MCF2L: variants seen among roughly 807,000 people sequenced by gnomAD.
MCF2L encodes the protein MCF.2 cell line derived transforming sequence like.
In MCF2L, 97 loss-of-function variants were observed where a neutral mutation model predicts 153.4. The ratio of observed to expected loss-of-function variants is 0.63; its 90% CI spans 0.54 to 0.75. The LOEUF is 0.75. Among genes scored for constraint, MCF2L ranks in the 30% least tolerant of loss-of-function variants. MCF2L has a pLI of 0.00. For synonymous variants in MCF2L, 659 were observed against 632.2 expected, an observed-to-expected ratio of 1.04 and a Z score of -0.64; for missense variants, 1,347 against 1,495.2, an observed-to-expected ratio of 0.90 and a Z score of 1.64.
intron 1 of MCF2L, among the ~76,000 whole-genome samples, chr13:112,896,452 G>A (rs897535221): frequency 2.0e-5 from 3 of 148,564 alleles, no homozygotes; most frequent in Admixed American, 2.0e-4. Context: ...CACTTCAGAA[G>A]AGAGGCCCCC....
chr13:112,975,960 C>G (rs908493038), intron 1 of MCF2L, among the ~76,000 whole-genome samples: 3 of 152,100 alleles, frequency 2.0e-5, no homozygotes, highest in African/African-American at 7.2e-5. Context: ...ACCCCAGGAG[C>G]CTTTGTCCAG....
At chr13:112,992,154 G>A (rs1168096059) in intron 1 of MCF2L, among the ~76,000 whole-genome samples, 1 of 152,198 alleles carries the variant, frequency 6.6e-6, no homozygotes, top group Non-Finnish European at 1.5e-5. Context: ...CTACGTGTAT[G>A]AGGTGTGCGT....
chr13:113,029,674 G>C (rs1027412440), intron 3 of MCF2L, among the ~76,000 whole-genome samples: 2 of 152,244 alleles, frequency 1.3e-5, no homozygotes, highest in Admixed American at 1.3e-4. Context: ...GCCCTCTGCT[G>C]GAGACGCGGA....
At chr13:113,006,953 C>T (rs1179288010) in intron 1 of MCF2L, among the ~76,000 whole-genome samples, 4 of 152,296 alleles carry the variant, frequency 2.6e-5, no homozygotes, top group Admixed American at 2.0e-4. Context: ...AGCCGGCAGC[C>T]AGCCCGGCCC....
In MCF2L at chr13:112,941,284, G is replaced by A. The variant is rs1006261726; in HGVS notation, c.169+38913G>A. Among the ~76,000 whole-genome samples the A allele has an allele frequency of 6.6e-6, 1 of 150,402 alleles. No homozygotes were observed. Among genetic ancestry groups the A allele is most frequent in the African/African-American group, 2.4e-5 (1 of 40,906 alleles). ...TACAGGTCTGTGTGGTGTGTGTGGT[G>A]GCACTCTGGAAGCCCATAAGCCATA... On this transcript the variant is annotated intron_variant, in intron 2 of 29. Coordinates refer to the MCF2L transcript ENST00000375608. This position sits in a 1 kb window ranked among gnomAD's most constrained non-coding sequence, Gnocchi z 4.9.
At position 113,028,672 on chromosome 13, in the gene MCF2L, G is replaced by A. The variant is rs2085455980; in HGVS notation, c.278+3914G>A. Among the ~76,000 whole-genome samples the A allele has an allele frequency of 6.6e-6, 1 of 152,234 alleles. No individual in the cohort carries two copies. Among genetic ancestry groups the A allele is most frequent in the African/African-American group, 2.4e-5 (1 of 41,462 alleles). ...CACTTAGATAATAAAAAGTGGAAGAGGCCTTTCTATCACCAAACGCTCTAA... is the reference window on the plus strand; with the variant it reads ...CACTTAGATAATAAAAAGTGGAAGAAGCCTTTCTATCACCAAACGCTCTAA... On this transcript the variant is annotated intron_variant, in intron 3 of 29. Transcript: ENST00000535094. This position sits in a 1 kb window ranked among gnomAD's most constrained non-coding sequence, Gnocchi z 5.4.
At chr13:112,923,287 G>A (rs1256931805) in intron 2 of MCF2L, among the ~76,000 whole-genome samples, 4 of 114,570 alleles carry the variant, frequency 3.5e-5, no homozygotes, top group Admixed American at 9.6e-5. Context: ...TTTTTGAGAC[G>A]GAGTCTTGCT....
chr13:112,921,914 A>T (rs1037970738), intron 2 of MCF2L, among the ~76,000 whole-genome samples: 4 of 152,232 alleles, frequency 2.6e-5, no homozygotes, highest in Non-Finnish European at 4.4e-5. Flanking sequence ...TGTAAAAAGG[A>T]TGCAAATACC....
At chr13:112,970,968 T>G (rs1240160411) in intron 1 of MCF2L, among the ~76,000 whole-genome samples, 1 of 152,198 alleles carries the variant, frequency 6.6e-6, no homozygotes, top group Non-Finnish European at 1.5e-5. Flanking sequence ...CAAGTCCAGC[T>G]TACCAGATAT....
rs1015302389 is a variant in MCF2L at position 112,904,583 on chromosome 13, G to A, written c.169+2212G>A. On this transcript the variant is annotated intron_variant, in intron 2 of 29. Coordinates refer to the MCF2L transcript ENST00000375608. The surrounding 1 kb of genome is among the most constrained non-coding windows in gnomAD (Gnocchi z 4.2). ...CCTCTCTGATCCCTGAGTCCTGGAG[G>A]CCCAGGGCTGGCTTTACCAAGAAAG... is the stretch of plus-strand genomic sequence containing the variant. Among the ~76,000 whole-genome samples the A allele has an allele frequency of 1.3e-5, 2 of 152,250 alleles. No individual in the cohort carries two copies. Among genetic ancestry groups the A allele is most frequent in the African/African-American group, 2.4e-5 (1 of 41,464 alleles).
At chr13:112,990,416 C>T (rs2082853804) in intron 1 of MCF2L, among the ~76,000 whole-genome samples, 1 of 151,666 alleles carries the variant, frequency 6.6e-6, no homozygotes, top group Non-Finnish European at 1.5e-5. Flanking sequence ...CTAAGCAAAC[C>T]CAGTGCAAGT....
chr13:113,082,437 C>A lies in MCF2L; in HGVS notation c.1886C>A (p.Ala629Glu), dbSNP rs776338234. 1.1e-5 allele frequency: 18 copies of A among 1,612,240 alleles called. No individual in the cohort carries two copies. The highest frequency in any genetic ancestry group is 1.5e-5 in the Non-Finnish European group (18 of 1,178,508). The change falls in exon 17 of 30, where the codon GCG becomes GAG. Residue 629 changes from alanine (A) to glutamate (E), a missense_variant. Physicochemically the swap from Ala to Glu is moderately radical, Grantham distance 107. Around this residue, in one of 3 missense-constraint regions of MCF2L, gnomAD observed 820 missense variants for 921.2 expected, o/e 0.89. Coordinates refer to ENST00000535094, the MANE Select transcript of MCF2L (RefSeq NM_001112732.3). ...ELLCVLEGYA[A>E]EMDNPLMAHL... is the part of the protein sequence containing the mutation. ...GCGCTCTCCCTGCAGGGCTACGCCG[C>A]GGAGATGGATAACCCACTGATGGCT...
In MCF2L at chr13:112,969,481, A is replaced by G; in HGVS notation, c.79+23A>G. On this transcript the variant is annotated intron_variant, in intron 1 of 29. Coordinates refer to ENST00000535094, the MANE Select transcript of MCF2L (RefSeq NM_001112732.3). The surrounding 1 kb of genome is among the most constrained non-coding windows in gnomAD (Gnocchi z 4.8). ...CGGGTAGGAGGAGCTGCTGGCCGTC[A>G]GTGATCTGTGCTTAAGCTTGACATC... The G allele has an allele frequency of 6.5e-7, 1 of 1,550,126 alleles. No individual in the cohort carries two copies. The highest frequency in any genetic ancestry group is 1.2e-5 in the South Asian group (1 of 84,050).
intron 2 of MCF2L, chr13:112,956,951 A>G (rs1472791845): frequency 6.6e-6 from 1 of 152,170 alleles, no homozygotes; most frequent in Non-Finnish European, 1.5e-5. Context: ...ATCTGGTCAC[A>G]TTCTGCCCAT....
intron 2 of MCF2L, among the ~76,000 whole-genome samples, chr13:112,914,620 C>T (rs1220091489): frequency 6.6e-6 from 1 of 152,230 alleles, no homozygotes; most frequent in Non-Finnish European, 1.5e-5. Context: ...ATGGGAGAGG[C>T]TGATGTCCTT....
rs1249721413 is a variant in MCF2L at position 112,960,043 on chromosome 13, G to A, written c.170-54720G>A. On this transcript the variant is annotated intron_variant, in intron 2 of 29. Coordinates refer to the MCF2L transcript ENST00000375608. This position sits in a 1 kb window ranked among gnomAD's most constrained non-coding sequence, Gnocchi z 4.2. ...GGTGCCTGTGTCACCGAGGTCCCTC[G>A]GTAACTTCAGGGCAGAGGCCTTCTG... Among the ~76,000 whole-genome samples, 2 of 152,358 alleles carry A rather than the reference G, an allele frequency of 1.3e-5. No homozygotes were observed. Among genetic ancestry groups the A allele is most frequent in the South Asian group, 4.1e-4 (2 of 4,828 alleles).
intron 1 of MCF2L, among the ~76,000 whole-genome samples, chr13:113,000,477 G>A (rs115081188): frequency 7.4e-4 from 112 of 152,330 alleles, no homozygotes; most frequent in African/African-American, 2.5e-3. Context: ...TGTGTGCAGC[G>A]TGGAGATGAG....
At chr13:113,011,867 A>G (rs2084147337) in intron 1 of MCF2L, among the ~76,000 whole-genome samples, 2 of 89,244 alleles carry the variant, frequency 2.2e-5, no homozygotes, top group African/African-American at 4.4e-5. Flanking sequence ...GACGGTGGAC[A>G]CTGTGATGCG....
chr13:113,066,980 C>T (rs537693210), intron 8 of MCF2L, among the ~76,000 whole-genome samples: 94 of 152,370 alleles, frequency 6.2e-4, no homozygotes, highest in African/African-American at 2.2e-3. Flanking sequence ...CCCGGGGACT[C>T]GACGGCGCAT....
Sources: allele counts gnomAD v4.1 joint callset (sites outside exome capture counted in the v4.1 genomes callset), GRCh38; gene constraint gnomAD v4.1.1; regional missense constraint gnomAD v4.1.1; non-coding constraint Gnocchi (gnomAD v3.1); transcripts MANE v1.5; gene names NCBI Gene and HGNC (gene_info 2026-07-23, HGNC 2026-07-21).